The following KCNJ6 variants were observed in gnomAD, a reference collection of about 807,000 sequenced individuals.
The protein encoded by KCNJ6 is G protein-activated inward rectifier potassium channel 2.
A neutral mutation model predicts 34.2 loss-of-function variants in KCNJ6; 9 were observed. The ratio of observed to expected loss-of-function variants is 0.26; its 90% CI spans 0.16 to 0.46. KCNJ6 has a LOEUF of 0.46. Among genes scored for constraint, KCNJ6 ranks in the 20% least tolerant of loss-of-function variants. KCNJ6 has a pLI of 1.00. For missense variants in KCNJ6, 236 were observed against 531.3 expected, an observed-to-expected ratio of 0.44 and a Z score of 5.46; for synonymous variants, 196 against 207.1, an observed-to-expected ratio of 0.95 and a Z score of 0.46.
In KCNJ6 at chr21:37,617,180, C is replaced by CCTTT. The variant is rs1215393532; in HGVS notation, c.*7978_*7979insAAAG. On this transcript the variant is annotated 3_prime_UTR_variant, in exon 4 of 4. Transcript: ENST00000609713. The stretch of plus-strand genomic sequence containing the variant: ...CTTTCTTTATCTTTTTTCCTTCCTT[C>CCTTT]CTTCCTTCCTTCCTTCCTTCCTTCC... 1.5e-5 allele frequency: 2 copies of CCTTT among 131,204 alleles called. No homozygotes were observed. Among genetic ancestry groups the CCTTT allele is most frequent in the Non-Finnish European group, 3.2e-5 (2 of 63,410 alleles). 8.1% of individuals were successfully genotyped at this position (131,204 alleles called of 1,614,324 possible).
Position 37,773,128 on chromosome 21 carries a change from C to G in KCNJ6, c.26-57997G>C, listed in dbSNP as rs116595672. On this transcript the variant is annotated intron_variant, in intron 2 of 3. Transcript: ENST00000609713. ...CCTGTATACAGTAGGTGCTAAATAA[C>G]TGTTTGTGGATGATGATCCTTTTCC... is the stretch of plus-strand genomic sequence containing the variant. Among the ~76,000 whole-genome samples, 1,359 of 152,220 alleles carry G rather than the reference C, an allele frequency of 8.9e-3. 27 individuals carry two copies. The highest frequency in any genetic ancestry group is 0.031 in the African/African-American group (1,304 of 41,518).
intron 3 of KCNJ6, among the ~76,000 whole-genome samples, chr21:37,693,811 C>T (rs2123430561): frequency 6.6e-6 from 1 of 152,140 alleles, no homozygotes; most frequent in Admixed American, 6.5e-5. Flanking sequence ...TTCCTCATGC[C>T]CTCCCTCCAG....
chr21:37,885,480 G>A (rs959060592), intron 1 of KCNJ6, among the ~76,000 whole-genome samples: 8 of 152,214 alleles, frequency 5.3e-5, no homozygotes, highest in African/African-American at 1.7e-4. Flanking sequence ...TTGACTTTAA[G>A]AGAGGGAGAT....
At chr21:37,825,454 G>C (rs1172666614) in intron 2 of KCNJ6, among the ~76,000 whole-genome samples, 1 of 152,040 alleles carries the variant, frequency 6.6e-6, no homozygotes, top group Non-Finnish European at 1.5e-5. Context: ...ATGGATAACT[G>C]GGCAACATTT....
chr21:37,793,072 C>CA (rs1370295605), intron 2 of KCNJ6, among the ~76,000 whole-genome samples: 1 of 152,146 alleles, frequency 6.6e-6, no homozygotes, highest in African/African-American at 2.4e-5. Flanking sequence ...TGTATAAAGT[C>CA]ATTCTCTCTG....
chr21:37,897,074 T>C (rs2123641017), intron 1 of KCNJ6, among the ~76,000 whole-genome samples: 1 of 152,320 alleles, frequency 6.6e-6, no homozygotes, highest in South Asian at 2.1e-4. Flanking sequence ...GAACAAACAC[T>C]GTGGCTGCTC....
chr21:37,773,198 C>T (rs1035301241), intron 2 of KCNJ6, among the ~76,000 whole-genome samples: 1 of 152,134 alleles, frequency 6.6e-6, no homozygotes, highest in African/African-American at 2.4e-5. Context: ...AGGTTGCCCA[C>T]ATGGGATGGC....
intron 1 of KCNJ6, among the ~76,000 whole-genome samples, chr21:37,908,838 G>A (rs950063173): frequency 1.3e-5 from 2 of 152,182 alleles, no homozygotes; most frequent in Admixed American, 1.3e-4. Flanking sequence ...ACTCTATCCT[G>A]ATTCACATTA....
intron 1 of KCNJ6, among the ~76,000 whole-genome samples, chr21:37,888,760 A>G (rs2055747863): frequency 6.6e-6 from 1 of 152,200 alleles, no homozygotes; most frequent in Non-Finnish European, 1.5e-5. Flanking sequence ...TGGCCCAGAG[A>G]GCTCGTAAAC....
chr21:37,630,360 G>A (rs1166821214), intron 3 of KCNJ6, among the ~76,000 whole-genome samples: 1 of 152,108 alleles, frequency 6.6e-6, no homozygotes, highest in African/African-American at 2.4e-5. Flanking sequence ...GGATCTATTT[G>A]TCTTGTTTAT....
chr21:37,770,890 A>C (rs2123503245), intron 2 of KCNJ6, among the ~76,000 whole-genome samples: 1 of 152,284 alleles, frequency 6.6e-6, no homozygotes, highest in South Asian at 2.1e-4. Flanking sequence ...ATCACCTATT[A>C]GTATATCTAT....
chr21:37,774,656 A>G (rs961826080), intron 2 of KCNJ6, among the ~76,000 whole-genome samples: 2 of 152,084 alleles, frequency 1.3e-5, no homozygotes, highest in Non-Finnish European at 2.9e-5. Flanking sequence ...AGCTTCATCC[A>G]TGTCCCTACA....
rs755017247 is a variant in KCNJ6 at position 37,789,454 on chromosome 21, C to T, written c.25+51204G>A. ...CTGCAAGCTAGAGAGAGAGAGCCCT[C>T]ATCAGAACCTGACTATGCTGGCACC... On this transcript the variant is annotated intron_variant, in intron 2 of 3. Transcript: ENST00000609713. 2.1e-4 allele frequency among the ~76,000 whole-genome samples: 32 copies of T among 152,178 alleles called. 1 individual carries two copies. Among genetic ancestry groups the T allele is most frequent in the Non-Finnish European group, 4.0e-4 (27 of 68,036 alleles).
rs1346492769 is a variant in KCNJ6, at chr21:37,612,739, AAAAAAG to A, written c.*12414_*12419del. The A allele has an allele frequency of 6.6e-6, 1 of 151,934 alleles. No individual in the cohort carries two copies. The highest frequency in any genetic ancestry group is 2.4e-5 in the African/African-American group (1 of 41,396). 9.4% of individuals were successfully genotyped at this position (151,934 alleles called of 1,614,324 possible). ...CATCCACAGGCAAAAAAAAAAAAAA[AAAAAAG>A]AGTCTAAATACAGACCTAACAAACA... is the stretch of plus-strand genomic sequence containing the variant. On this transcript the variant is annotated 3_prime_UTR_variant, in exon 4 of 4. Transcript: ENST00000609713.
intron 2 of KCNJ6, among the ~76,000 whole-genome samples, chr21:37,830,196 G>A (rs2055418794): frequency 6.6e-6 from 1 of 152,166 alleles, no homozygotes; most frequent in African/African-American, 2.4e-5. Flanking sequence ...CAGTCAGGTG[G>A]CTGACCAGAC....
At chr21:37,738,634 A>C (rs7283065) in intron 2 of KCNJ6, among the ~76,000 whole-genome samples, 11,288 of 152,270 alleles carry the variant, frequency 0.074, 453 homozygotes, top group African/African-American at 0.094. Flanking sequence ...TCATAAATTC[A>C]AAGATGCTGG....
chr21:37,765,346 C>T (rs1232415807), intron 2 of KCNJ6, among the ~76,000 whole-genome samples: 2 of 152,068 alleles, frequency 1.3e-5, no homozygotes, highest in Non-Finnish European at 2.9e-5. Flanking sequence ...ATTGTTCTGT[C>T]GATGATCAAG....
rs181984261 is a variant in KCNJ6 at position 37,708,592 on chromosome 21, A to G, written c.946+5619T>C. Among the ~76,000 whole-genome samples the G allele has an allele frequency of 4.1e-5, 4 of 98,260 alleles. No individual in the cohort carries two copies. In the East Asian group the frequency reaches 1.2e-3, roughly 30 times the overall value. The allele number at this position is 98,260 out of a possible 152,430, so 64.5% of individuals were successfully genotyped here. A position where few individuals can be genotyped will look rare whatever the true frequency, so the allele number is the denominator to read the frequency against. ...ATATTCCATATGTCTTTAAATTGAA[A>G]AAAATCACTCCTTATAGAGATTCCT... is the stretch of plus-strand genomic sequence containing the variant. On this transcript the variant is annotated intron_variant, in intron 3 of 3. Coordinates refer to ENST00000609713, the MANE Select transcript of KCNJ6 (RefSeq NM_002240.5).
rs1432532553 is a variant in KCNJ6 at position 37,716,192 on chromosome 21, GT to G, written c.26-1062del. ...TTTCAGGGTTTAAAAAACATTTCTGGTTTTTGTCGGTAAGTATGCATGCATT... is the reference window on the plus strand; with the variant it reads ...TTTCAGGGTTTAAAAAACATTTCTGGTTTTGTCGGTAAGTATGCATGCATT... On this transcript the variant is annotated intron_variant, in intron 2 of 3. Transcript: ENST00000609713. Among the ~76,000 whole-genome samples the G allele has an allele frequency of 1.8e-4, 28 of 152,154 alleles. No individual in the cohort carries two copies. The South Asian group carries it at 4.8e-3, about 26-fold the overall frequency.
Sources: gnomAD v4.1 joint callset for allele counts (sites outside exome capture counted in the v4.1 genomes callset) on GRCh38, gnomAD v4.1.1 for gene constraint, MANE v1.5 for transcripts, NCBI Gene and HGNC (gene_info 2026-07-23, HGNC 2026-07-21) for gene names.